The following ABHD2 variants were observed in gnomAD, a reference collection of about 807,000 sequenced individuals.
ABHD2 encodes the protein monoacylglycerol lipase ABHD2.
ABHD2 carries 20 observed loss-of-function variants against 48.1 expected under a neutral mutation model. The observed-to-expected ratio is 0.42, with a 90% CI of 0.29 to 0.60. The LOEUF is 0.60. Ranked by LOEUF, ABHD2 falls within the 20% of genes least tolerant of loss-of-function variation. ABHD2 has a pLI of 0.24. For missense variants in ABHD2, 405 were observed against 550.9 expected (o/e 0.74, Z 2.65); for synonymous variants, 209 against 214.2 (o/e 0.98, Z 0.21).
the ABHD2 span, among the ~76,000 whole-genome samples, chr15:89,055,158 A>G: frequency 6.6e-6 from 1 of 152,156 alleles, no homozygotes; most frequent in Non-Finnish European, 1.5e-5. Flanking sequence ...TGATTGCGCC[A>G]CTGTACTTCA....
upstream of ABHD2, among the ~76,000 whole-genome samples, chr15:89,084,420 C>T (rs566855958): frequency 1.3e-5 from 2 of 152,278 alleles, no homozygotes; most frequent in East Asian, 1.9e-4. This position sits in a 1 kb window ranked among gnomAD's most constrained non-coding sequence, Gnocchi z 4.4. Context: ...CTGCCTCAGC[C>T]TCCCAAGTAG....
At chr15:89,074,398 G>C in the ABHD2 span, among the ~76,000 whole-genome samples, 2 of 151,690 alleles carry the variant, frequency 1.3e-5, no homozygotes, top group African/African-American at 4.8e-5. Context: ...AGAGTCACCT[G>C]AAGATCTTAA....
At chr15:89,101,837 G>T (rs1021824587) in intron 1 of ABHD2, among the ~76,000 whole-genome samples, 2 of 152,168 alleles carry the variant, frequency 1.3e-5, no homozygotes, top group Non-Finnish European at 2.9e-5. Flanking sequence ...TCAAGGGCTT[G>T]CAGTGGGGCT....
chr15:89,201,747 G>A lies in ABHD2; in HGVS notation c.*6324G>A, dbSNP rs545803684. The A allele has an allele frequency of 1.3e-5, 20 of 1,564,530 alleles. No individual in the cohort carries two copies. Among genetic ancestry groups the A allele is most frequent in the African/African-American group, 1.1e-4 (8 of 73,910 alleles). On this transcript the variant is annotated 3_prime_UTR_variant, in exon 11 of 11. Coordinates refer to ENST00000352732, the MANE Select transcript of ABHD2 (RefSeq NM_152924.5). ...GCCTTTGAATTTGAGGTCTATGGGC[G>A]GGTCGAGGACCAGGATCTGCTCGTG...
the ABHD2 span, among the ~76,000 whole-genome samples, chr15:89,051,517 C>A: frequency 6.6e-6 from 1 of 152,142 alleles, no homozygotes; most frequent in South Asian, 2.1e-4. Flanking sequence ...CTTTGAGGTA[C>A]TGATATGGTT....
chr15:89,147,684 A>C (rs1449292101), intron 3 of ABHD2, among the ~76,000 whole-genome samples: 1 of 152,148 alleles, frequency 6.6e-6, no homozygotes, highest in African/African-American at 2.4e-5. Context: ...AATGCAAAAC[A>C]CAAAGGTTTT....
At chr15:89,072,280 A>C in the ABHD2 span, among the ~76,000 whole-genome samples, 19 of 152,288 alleles carry the variant, frequency 1.2e-4, no homozygotes, top group South Asian at 3.9e-3. Flanking sequence ...TTTTGAGACC[A>C]GCCTGACCAA....
chr15:89,122,567 C>T (rs939071127), intron 3 of ABHD2, among the ~76,000 whole-genome samples: 3 of 152,160 alleles, frequency 2.0e-5, no homozygotes, highest in Non-Finnish European at 4.4e-5. Flanking sequence ...GAAGGCTCTA[C>T]CCTGTTTCTG....
At chr15:89,170,212 C>T (rs2050902927) in intron 5 of ABHD2, among the ~76,000 whole-genome samples, 1 of 149,670 alleles carries the variant, frequency 6.7e-6, no homozygotes, top group South Asian at 2.1e-4. Flanking sequence ...TCTCCCACCT[C>T]AGCCTCCCAA....
At position 89,094,243 on chromosome 15, in the gene ABHD2, G is replaced by A. The variant is rs907763771; in HGVS notation, c.-107+5680G>A. On this transcript the variant is annotated intron_variant, in intron 1 of 10. Transcript: ENST00000352732. This position sits in a 1 kb window ranked among gnomAD's most constrained non-coding sequence, Gnocchi z 4.7. ...GGGTTCAAGCGATTTTCCTGCCTCA[G>A]CCTCTCATTTTATCTTGGATAAAAG... 1.3e-5 allele frequency: 2 copies of A among 152,156 alleles called. No homozygotes were observed. The highest frequency in any genetic ancestry group is 6.6e-5 in the Admixed American group (1 of 15,264). The allele number at this position is 152,156 out of a possible 1,614,324, so 9.4% of individuals were successfully genotyped here. A position where few individuals can be genotyped will look rare whatever the true frequency, so the allele number is the denominator to read the frequency against.
At chr15:89,105,423 T>C (rs1402785295) in intron 1 of ABHD2, among the ~76,000 whole-genome samples, 2 of 152,240 alleles carry the variant, frequency 1.3e-5, no homozygotes, top group Non-Finnish European at 2.9e-5. Context: ...TTTCTGAAAT[T>C]CCAGCAGATT....
intron 3 of ABHD2, among the ~76,000 whole-genome samples, chr15:89,124,887 G>A (rs1338043642): frequency 1.3e-5 from 2 of 152,164 alleles, no homozygotes; most frequent in South Asian, 2.1e-4. Context: ...TCAGGAGTTC[G>A]AGACCAGCCT....
the ABHD2 span, among the ~76,000 whole-genome samples, chr15:89,043,447 G>C: frequency 6.8e-6 from 1 of 146,404 alleles, no homozygotes; most frequent in East Asian, 1.9e-4. Flanking sequence ...AGAAGAAGAA[G>C]GAGGAGGAGG....
rs1475447875 is a variant in ABHD2 at position 89,091,950 on chromosome 15, G to C, written c.-107+3387G>C. 1.3e-5 allele frequency among the ~76,000 whole-genome samples: 2 copies of C among 152,204 alleles called. No individual in the cohort carries two copies. Among genetic ancestry groups the C allele is most frequent in the Non-Finnish European group, 2.9e-5 (2 of 68,044 alleles). ...TGTCTGGTGTCAGGATTTTATAGCA[G>C]CTTTTCATGGTTCAGCCTTTTTGGC... On this transcript the variant is annotated intron_variant, in intron 1 of 10. Transcript: ENST00000352732. This position sits in a 1 kb window ranked among gnomAD's most constrained non-coding sequence, Gnocchi z 5.5.
chr15:89,172,629 T>C (rs2050948469), intron 5 of ABHD2, among the ~76,000 whole-genome samples: 1 of 152,236 alleles, frequency 6.6e-6, no homozygotes, highest in South Asian at 2.1e-4. Context: ...TAGAGTCAGT[T>C]ATAGCCATTA....
At chr15:89,119,835 G>A (rs2050019574) in intron 3 of ABHD2, among the ~76,000 whole-genome samples, 1 of 152,152 alleles carries the variant, frequency 6.6e-6, no homozygotes. Context: ...AACCTCCCAT[G>A]TGTTGAAAGC....
Position 89,188,884 on chromosome 15 carries a change from A to T in ABHD2, c.926+581A>T, listed in dbSNP as rs528514996. 3.0e-4 allele frequency among the ~76,000 whole-genome samples: 19 copies of T among 64,220 alleles called. No homozygotes were observed. The South Asian group carries it at 7.5e-3, about 26-fold the overall frequency. The allele number at this position is 64,220 out of a possible 152,430, so 42.1% of individuals were successfully genotyped here. A position where few individuals can be genotyped will look rare whatever the true frequency, so the allele number is the denominator to read the frequency against. Reference sequence around the variant, plus strand: ...ACACAGCAAGACCCTTCTCAAAATTAAAAAAAAAAAAAAAGAAGTAGAAAA... The same window carrying T: ...ACACAGCAAGACCCTTCTCAAAATTTAAAAAAAAAAAAAAGAAGTAGAAAA... On this transcript the variant is annotated intron_variant, in intron 8 of 10. Transcript: ENST00000352732. The surrounding 1 kb of genome is among the most constrained non-coding windows in gnomAD (Gnocchi z 4.1).
At chr15:89,063,591 AAG>A in the ABHD2 span, among the ~76,000 whole-genome samples, 8 of 152,132 alleles carry the variant, frequency 5.3e-5, no homozygotes, top group Middle Eastern at 3.4e-3. Context: ...CACAAAGAGA[AAG>A]GGGAGTATTC....
chr15:89,192,298 A>G (rs1220839203), intron 9 of ABHD2, among the ~76,000 whole-genome samples: 1 of 152,222 alleles, frequency 6.6e-6, no homozygotes, highest in Non-Finnish European at 1.5e-5. Context: ...TAGAGCCAAC[A>G]TCAGAGACCT....
Sources: gnomAD v4.1 joint callset for allele counts (sites outside exome capture counted in the v4.1 genomes callset) on GRCh38, gnomAD v4.1.1 for gene constraint, Gnocchi (gnomAD v3.1) non-coding constraint, MANE v1.5 for transcripts, NCBI Gene and HGNC (gene_info 2026-07-23, HGNC 2026-07-21) for gene names.